The following NUDCD1 variants were observed in gnomAD, a reference collection of about 807,000 sequenced individuals.
NUDCD1 encodes the protein NudC domain containing 1.
NUDCD1 carries 60 observed loss-of-function variants against 67.8 expected under a neutral mutation model. That is an observed-to-expected ratio of 0.88 (90% CI 0.72 to 1.10). The LOEUF is 1.10. Ranked by LOEUF, NUDCD1 falls within the 50% of genes least tolerant of loss-of-function variation. The pLI is 0.00. For missense variants in NUDCD1, 643 were observed against 695.0 expected (o/e 0.93, Z 0.84); for synonymous variants, 244 against 230.8 (o/e 1.06, Z -0.52).
chr8:109,292,276 T>C lies in NUDCD1; in HGVS notation c.640+1068A>G, dbSNP rs1004103299. Reference sequence around the variant, plus strand: ...ACCAACTGGGATTTCAAAAAAGTTTTCTAATATCTAATTAAAGTTTAAAGT... The same window carrying C: ...ACCAACTGGGATTTCAAAAAAGTTTCCTAATATCTAATTAAAGTTTAAAGT... On this transcript the variant is annotated intron_variant, in intron 4 of 9. Transcript: ENST00000239690. 7.9e-5 allele frequency among the ~76,000 whole-genome samples: 12 copies of C among 152,238 alleles called. No individual in the cohort carries two copies. The South Asian group carries it at 2.1e-3, about 26-fold the overall frequency.
intron 1 of NUDCD1, among the ~76,000 whole-genome samples, chr8:109,326,664 T>C (rs768550097): frequency 6.6e-6 from 1 of 152,148 alleles, no homozygotes; most frequent in African/African-American, 2.4e-5. Flanking sequence ...AAAAAGAACT[T>C]AGGGCCTCAA....
chr8:109,296,099 C>T (rs2980623), intron 3 of NUDCD1, among the ~76,000 whole-genome samples: 97,093 of 151,958 alleles, frequency 0.64, 32,544 homozygotes, highest in African/African-American at 0.85. Flanking sequence ...GAGGAGGCAA[C>T]GCCAATGCTT....
intron 7 of NUDCD1, among the ~76,000 whole-genome samples, chr8:109,273,471 G>A (rs924363357): frequency 2.0e-5 from 3 of 151,962 alleles, no homozygotes; most frequent in Non-Finnish European, 4.4e-5. Context: ...GAACAGAAAG[G>A]TCAAAAATCA....
At chr8:109,245,559 C>A in intron 8 of NUDCD1, 78 bp from the exon 9 acceptor site, 1 of 1,130,866 alleles carries the variant, frequency 8.8e-7, no homozygotes, top group African/African-American at 1.6e-5. Flanking sequence ...AAGCTGACAG[C>A]CAGCATTAAG....
intron 8 of NUDCD1, among the ~76,000 whole-genome samples, chr8:109,262,087 A>G (rs1813874938): frequency 6.6e-6 from 1 of 152,214 alleles, no homozygotes; most frequent in African/African-American, 2.4e-5. Flanking sequence ...GCCACTCTCT[A>G]TGGGCTAAAG....
chr8:109,293,833 TTTTG>T (rs1440344254), intron 3 of NUDCD1, among the ~76,000 whole-genome samples: 2 of 152,086 alleles, frequency 1.3e-5, no homozygotes, highest in Admixed American at 6.6e-5. Flanking sequence ...TTTTCCTGTT[TTTTG>T]TTTGTTATTT....
At chr8:109,316,905 C>T (rs940231985) in intron 2 of NUDCD1, among the ~76,000 whole-genome samples, 2 of 152,026 alleles carry the variant, frequency 1.3e-5, no homozygotes, top group African/African-American at 2.4e-5. Context: ...ACAATATGGT[C>T]TGAGAACCAA....
At chr8:109,243,374 T>G (rs1003032830) in intron 9 of NUDCD1, 73 bp from the exon 10 acceptor site, 1 of 1,224,328 alleles carries the variant, frequency 8.2e-7, no homozygotes, top group Non-Finnish European at 1.1e-6. Context: ...GATTTAACAT[T>G]TAATATTTTG....
At chr8:109,288,309 G>T (rs1814622208) in intron 5 of NUDCD1, among the ~76,000 whole-genome samples, 1 of 152,144 alleles carries the variant, frequency 6.6e-6, no homozygotes, top group Non-Finnish European at 1.5e-5. Context: ...TATCTGGGCA[G>T]AACGGTTCCA....
At position 109,303,515 on chromosome 8, in the gene NUDCD1, T is replaced by C. The variant is rs532394744; in HGVS notation, c.274-6946A>G. Among the ~76,000 whole-genome samples the C allele has an allele frequency of 1.8e-3, 281 of 152,288 alleles. 1 individual carries two copies. The highest frequency in any genetic ancestry group is 6.5e-3 in the African/African-American group (272 of 41,550). On this transcript the variant is annotated intron_variant, in intron 2 of 9. Transcript: ENST00000239690. The stretch of plus-strand genomic sequence containing the variant: ...AACTCTCATGCCAATTTGGACAACA[T>C]TATTTTATGCACTCCTTGTTAGTTA...
At chr8:109,254,238 C>T (rs114492011) in intron 8 of NUDCD1, among the ~76,000 whole-genome samples, 77 of 152,164 alleles carry the variant, frequency 5.1e-4, no homozygotes, top group African/African-American at 1.6e-3. Flanking sequence ...AATTCAAATA[C>T]CTTTAATGGT....
At chr8:109,256,306 G>C (rs781208898) in intron 8 of NUDCD1, among the ~76,000 whole-genome samples, 2 of 152,080 alleles carry the variant, frequency 1.3e-5, no homozygotes, top group Non-Finnish European at 2.9e-5. Context: ...TCTCCACATT[G>C]GTAGCAAAAT....
intron 8 of NUDCD1, among the ~76,000 whole-genome samples, chr8:109,266,139 ATAAAT>A (rs966069569): frequency 1.6e-5 from 2 of 121,326 alleles, no homozygotes; most frequent in African/African-American, 3.7e-5. Context: ...AAGAAACTGG[ATAAAT>A]TAACTTTAAT....
intron 2 of NUDCD1, among the ~76,000 whole-genome samples, chr8:109,314,728 T>C (rs1327155570): frequency 6.6e-6 from 1 of 152,100 alleles, no homozygotes; most frequent in Admixed American, 6.5e-5. Flanking sequence ...TGGGTCAATA[T>C]AGATGTAATA....
chr8:109,313,883 G>C (rs1182103260), intron 2 of NUDCD1: 1 of 868,782 alleles, frequency 1.2e-6, no homozygotes, highest in Admixed American at 2.4e-5. Context: ...TAAGATACTT[G>C]AGTATCTAAA....
intron 5 of NUDCD1, among the ~76,000 whole-genome samples, chr8:109,287,423 T>C (rs1486006197): frequency 1.3e-5 from 2 of 152,152 alleles, no homozygotes; most frequent in African/African-American, 4.8e-5. Flanking sequence ...AAAAACAATG[T>C]GGCACATATA....
chr8:109,277,736 T>C (rs1049530538), intron 6 of NUDCD1, among the ~76,000 whole-genome samples: 1 of 152,184 alleles, frequency 6.6e-6, no homozygotes, highest in African/African-American at 2.4e-5. Flanking sequence ...TTACATGAAG[T>C]CAAGCTATTC....
chr8:109,276,264 A>C (rs992117716), intron 6 of NUDCD1, among the ~76,000 whole-genome samples: 5 of 152,186 alleles, frequency 3.3e-5, no homozygotes, highest in African/African-American at 1.2e-4. Flanking sequence ...TAGGAGAAGA[A>C]GTAACTTGTC....
At chr8:109,273,317 T>G (rs1814201760) in intron 7 of NUDCD1, among the ~76,000 whole-genome samples, 2 of 152,110 alleles carry the variant, frequency 1.3e-5, no homozygotes, top group South Asian at 4.1e-4. Flanking sequence ...AGAATAAACA[T>G]GGAATAAATC....
Sources: allele counts gnomAD v4.1 joint callset (sites outside exome capture counted in the v4.1 genomes callset), GRCh38; gene constraint gnomAD v4.1.1; transcripts MANE v1.5; gene names NCBI Gene and HGNC (gene_info 2026-07-23, HGNC 2026-07-21).